Variants in REN observed in about 807,000 individuals in gnomAD.
REN encodes angiotensin-forming enzyme.
A neutral mutation model predicts 48.6 loss-of-function variants in REN; 42 were observed. The observed-to-expected ratio is 0.86, with a 90% CI of 0.68 to 1.12. The LOEUF is 1.12. REN is among the 50% of genes most tolerant of loss of function. REN has a pLI of 0.00. For synonymous variants in REN, 196 were observed against 204.6 expected (o/e 0.96, Z 0.36); for missense variants, 443 against 527.3 (o/e 0.84, Z 1.57).
At position 204,159,451 on chromosome 1, in the gene REN, T is replaced by C. The variant is rs1022198711; in HGVS notation, c.637A>G (p.Ile213Val). Residue 213 changes from isoleucine to valine, a missense_variant, in exon 5 of 10, where the codon ATC (isoleucine) becomes GTC (valine). By Grantham distance (29) the Ile-to-Val change is conservative. Coordinates refer to ENST00000272190, the MANE Select transcript of REN (RefSeq NM_000537.4). ...IGRVTPIFDN[I>V]ISQGVLKEDV... Reference sequence around the variant, plus strand: ...TCTTTTAGCACCCCTTGGGAGATGATGTTGTCGAAGATAGGGGTGACCCTG... The same window carrying C: ...TCTTTTAGCACCCCTTGGGAGATGACGTTGTCGAAGATAGGGGTGACCCTG... The C allele has an allele frequency of 7.4e-6, 12 of 1,614,110 alleles. No individual in the cohort carries two copies. The highest frequency in any genetic ancestry group is 1.0e-5 in the Non-Finnish European group (12 of 1,180,020).
In REN at chr1:204,161,354, T is replaced by C; in HGVS notation, c.311A>G (p.Asp104Gly). 1 of 1,608,532 alleles carries C rather than the reference T, an allele frequency of 6.2e-7. No individual in the cohort carries two copies. Among genetic ancestry groups the C allele is most frequent in the East Asian group, 2.2e-5 (1 of 44,692 alleles). ...TPPQTFKVVF[D>G]TGSSNVWVPS... ...CACCCAAACATTGGACGAACCAGTG[T>C]CAAAGACGACTTTGAAGGTCTGGGG... The change falls in exon 3 of 10, where the codon GAC becomes GGC. Residue 104 changes from aspartate to glycine, a missense_variant. Coordinates refer to ENST00000272190, the MANE Select transcript of REN (RefSeq NM_000537.4).
chr1:204,154,872 C>A lies in REN; in HGVS notation c.*144G>T. On this transcript the variant is annotated 3_prime_UTR_variant, in exon 10 of 10. Transcript: ENST00000272190. ...TCCTCAAAGCAGGGAAGGGCTGGTG[C>A]AGGGGTCAGGGCACGCATCCAGCAG... 1 of 879,166 alleles carries A rather than the reference C, an allele frequency of 1.1e-6. No individual in the cohort carries two copies. The highest frequency in any genetic ancestry group is 1.8e-6 in the Non-Finnish European group (1 of 549,042). The allele number at this position is 879,166 out of a possible 1,614,324, so 54.5% of individuals were successfully genotyped here.
In REN at chr1:204,156,679, CTTCA is replaced by C; in HGVS notation, c.812_815del (p.Met271ArgfsTer20). 1 of 1,614,140 alleles carries C rather than the reference CTTCA, an allele frequency of 6.2e-7. No individual in the cohort carries two copies. Among genetic ancestry groups the C allele is most frequent in the East Asian group, 2.2e-5 (1 of 44,884 alleles). Reference sequence around the variant, plus strand: ...GGGGAGGGTTGAGGATTTCTGACCCCTTCATTTGAATCTGCCAGACACCAGTCTT... The same window carrying C: ...GGGGAGGGTTGAGGATTTCTGACCCCTTTGAATCTGCCAGACACCAGTCTT... On this transcript the variant is annotated frameshift_variant, in exon 7 of 10. Transcript: ENST00000272190. LOFTEE classifies it high-confidence loss of function. This position sits in a 1 kb window ranked among gnomAD's most constrained non-coding sequence, Gnocchi z 4.2.
At chr1:204,162,803 C>T (rs1558245852) in intron 1 of REN, among the ~76,000 whole-genome samples, 1 of 152,192 alleles carries the variant, frequency 6.6e-6, no homozygotes, top group Non-Finnish European at 1.5e-5. Context: ...ATCTTCAGAG[C>T]GCCATGCACC....
intron 5 of REN, among the ~76,000 whole-genome samples, chr1:204,158,970 G>T (rs781567769): frequency 4.6e-5 from 7 of 152,202 alleles, no homozygotes; most frequent in Non-Finnish European, 1.0e-4. Flanking sequence ...CTGTCTCTGT[G>T]TGGGAGGAGC....
At chr1:204,160,454 A>G in intron 4 of REN, 106 bp downstream of exon 4, 1 of 803,632 alleles carries the variant, frequency 1.2e-6, no homozygotes, top group Non-Finnish European at 2.2e-6. Context: ...CCCAGGCTCC[A>G]AGTGGGCTGC....
intron 6 of REN, among the ~76,000 whole-genome samples, chr1:204,157,117 A>G (rs11571087): frequency 6.6e-6 from 1 of 152,102 alleles, no homozygotes; most frequent in African/African-American, 2.4e-5. Flanking sequence ...ACACAAATGG[A>G]CACCCCTCAC....
chr1:204,158,654 A>G (rs1347220931), intron 5 of REN, among the ~76,000 whole-genome samples: 2 of 152,034 alleles, frequency 1.3e-5, no homozygotes, highest in Admixed American at 6.6e-5. Flanking sequence ...GTAGAGCCCA[A>G]CCCTGCTCAA....
chr1:204,162,430 A>G (rs1451646826), intron 1 of REN, among the ~76,000 whole-genome samples: 1 of 152,172 alleles, frequency 6.6e-6, no homozygotes, highest in African/African-American at 2.4e-5. Flanking sequence ...AGACAAGGCT[A>G]TTTGTTTATT....
chr1:204,156,331 C>CATAGTCAG lies in REN; in HGVS notation c.819-13_819-12insCTGACTAT. 6.7e-7 allele frequency: 1 copy of CATAGTCAG among 1,495,336 alleles called. No individual in the cohort carries two copies. The highest frequency in any genetic ancestry group is 9.1e-7 in the Non-Finnish European group (1 of 1,101,246). The allele number at this position is 1,495,336 out of a possible 1,614,324, so 92.6% of individuals were successfully genotyped here. A position where few individuals can be genotyped will look rare whatever the true frequency, so the allele number is the denominator to read the frequency against. ...ACCCCACAGACACCCTGGGGGAGGC[C>CATAGTCAG]ACAGTCAGACAGACAGACAGACAGA... On this transcript the variant is annotated splice_polypyrimidine_tract_variant and intron_variant, in intron 7 of 9. Transcript: ENST00000272190. The surrounding 1 kb of genome is among the most constrained non-coding windows in gnomAD (Gnocchi z 4.2).
intron 3 of REN, 31 bp downstream of exon 3, chr1:204,161,261 G>C: frequency 1.9e-6 from 3 of 1,570,898 alleles, no homozygotes; most frequent in Non-Finnish European, 2.6e-6. Flanking sequence ...CAGGGGGATG[G>C]AGGAGAGGCA....
intron 3 of REN, 28 bp from the exon 4 acceptor site, chr1:204,160,706 G>T: frequency 6.5e-7 from 1 of 1,547,710 alleles, no homozygotes; most frequent in Non-Finnish European, 8.9e-7. Context: ...GCTCAGGTTT[G>T]TCCAAGAGTG....
intron 8 of REN, 66 bp from the exon 9 acceptor site, chr1:204,155,984 C>T (rs1032929246): frequency 3.7e-5 from 55 of 1,470,866 alleles, no homozygotes; most frequent in African/African-American, 3.2e-4. Flanking sequence ...AGGAGTCCTG[C>T]GCTGGTGGCC....
At position 204,156,434 on chromosome 1, in the gene REN, T is replaced by G. The variant is rs1027417170; in HGVS notation, c.819-115A>C. The G allele has an allele frequency of 4.7e-5, 69 of 1,460,594 alleles. No homozygotes were observed. In the Middle Eastern group the frequency reaches 6.7e-4, roughly 14 times the overall value. The allele number at this position is 1,460,594 out of a possible 1,614,324, so 90.5% of individuals were successfully genotyped here. A position where few individuals can be genotyped will look rare whatever the true frequency, so the allele number is the denominator to read the frequency against. ...GGTGGGTGGGTGGAGGCCACGCTGGTGGCCTGTTGAGGCAGTGAGTAGAGG... is the reference window on the plus strand; with the variant it reads ...GGTGGGTGGGTGGAGGCCACGCTGGGGGCCTGTTGAGGCAGTGAGTAGAGG... On this transcript the variant is annotated intron_variant, in intron 7 of 9. Transcript: ENST00000272190. The surrounding 1 kb of genome is among the most constrained non-coding windows in gnomAD (Gnocchi z 4.2).
At chr1:204,157,652 C>T (rs1264950098) in intron 5 of REN, among the ~76,000 whole-genome samples, 1 of 152,224 alleles carries the variant, frequency 6.6e-6, no homozygotes, top group Admixed American at 6.5e-5. Context: ...CCAGGGCATG[C>T]CTGTGTGTGT....
In REN at chr1:204,155,243, C is replaced by T. The variant is rs538508281; in HGVS notation, c.1060-66G>A. On this transcript the variant is annotated intron_variant, in intron 9 of 9. Coordinates refer to ENST00000272190, the MANE Select transcript of REN (RefSeq NM_000537.4). ...AGCATTCTCCTTTCACCTTGCCTGA[C>T]CCCCAGCAACTGTCTTCAGCAACAT... The T allele has an allele frequency of 4.8e-4, 473 of 982,912 alleles. 10 individuals are homozygous for T. The South Asian group carries it at 8.2e-3, about 17-fold the overall frequency. 60.9% of individuals were successfully genotyped at this position (982,912 alleles called of 1,614,324 possible).
rs1658345867 is a variant in REN at position 204,166,191 on chromosome 1, A to G, written c.98+5T>C. ...CACCCCTTCTCTGCCTGAGTTACCA[A>G]TTACCGTTTAAAGGTGGTGGTGTCT... On this transcript the variant is annotated splice_donor_5th_base_variant and intron_variant, in intron 1 of 9. Transcript: ENST00000272190. The G allele has an allele frequency of 1.2e-6, 2 of 1,613,688 alleles. No individual in the cohort carries two copies. Among genetic ancestry groups the G allele is most frequent in the Non-Finnish European group, 8.5e-7 (1 of 1,179,602 alleles).
rs375388260 is a variant in REN, at chr1:204,156,634, G to A, written c.818+43C>T. 361 of 1,471,622 alleles carry A rather than the reference G, an allele frequency of 2.5e-4. No homozygotes were observed. Among genetic ancestry groups the A allele is most frequent in the Middle Eastern group, 3.6e-4 (2 of 5,496 alleles). The allele number at this position is 1,471,622 out of a possible 1,614,324, so 91.2% of individuals were successfully genotyped here. A position where few individuals can be genotyped will look rare whatever the true frequency, so the allele number is the denominator to read the frequency against. On this transcript the variant is annotated intron_variant, in intron 7 of 9. Transcript: ENST00000272190. This position sits in a 1 kb window ranked among gnomAD's most constrained non-coding sequence, Gnocchi z 4.2. ...CCCCACCCTCCCCAACCCCAGTGAC[G>A]GCAGCATTTTTTGGAGCCCGGGGAG...
Position 204,161,406 on chromosome 1 carries a change from A to G in REN, c.259T>C (p.Tyr87His), listed in dbSNP as rs752956824. ...ILTNYMDTQY[Y>H]GEIGIGTPPQ... ...GGGGTGCCGATGCCAATCTCGCCAT[A>G]GTACTGGGTCTGTGGGGGTAAAAAG... Residue 87 changes from tyrosine to histidine, a missense_variant, in exon 3 of 10, where the codon TAT (tyrosine) becomes CAT (histidine). By Grantham distance (83) the Tyr-to-His change is moderately conservative. Transcript: ENST00000272190. 1.9e-6 allele frequency: 3 copies of G among 1,584,340 alleles called. No homozygotes were observed. The highest frequency in any genetic ancestry group is 2.3e-5 in the South Asian group (2 of 85,210).
Sources: gnomAD v4.1 joint callset for allele counts (sites outside exome capture counted in the v4.1 genomes callset) on GRCh38, gnomAD v4.1.1 for gene constraint, Gnocchi (gnomAD v3.1) non-coding constraint, MANE v1.5 for transcripts, NCBI Gene and HGNC (gene_info 2026-07-23, HGNC 2026-07-21) for gene names.